Variants in CGNL1 observed in about 807,000 individuals in gnomAD.
The protein encoded by CGNL1 is cingulin like 1.
In CGNL1, 132 loss-of-function variants were observed where a neutral mutation model predicts 141.2. The ratio of observed to expected loss-of-function variants is 0.93; its 90% CI spans 0.81 to 1.08. CGNL1 has a LOEUF of 1.08. CGNL1 is among the 50% of genes least tolerant of loss of function. CGNL1 has a pLI of 0.00. For missense variants in CGNL1, 1,870 were observed against 1,588.6 expected, an observed-to-expected ratio of 1.18 and a Z score of -3.01; for synonymous variants, 690 against 622.1, an observed-to-expected ratio of 1.11 and a Z score of -1.63.
intron 1 of CGNL1, among the ~76,000 whole-genome samples, chr15:57,406,346 A>C (rs576286608): frequency 6.6e-6 from 1 of 152,226 alleles, no homozygotes; most frequent in East Asian, 1.9e-4. Flanking sequence ...GGGAACAGCA[A>C]GGAGGCCACA....
At chr15:57,537,244 C>T (rs1357939283) in intron 14 of CGNL1, among the ~76,000 whole-genome samples, 1 of 152,142 alleles carries the variant, frequency 6.6e-6, no homozygotes, top group East Asian at 1.9e-4. Flanking sequence ...TGGGTGGCTT[C>T]ATGGTCTCTC....
At chr15:57,418,046 G>C (rs10083703) in intron 1 of CGNL1, among the ~76,000 whole-genome samples, 16,237 of 152,156 alleles carry the variant, frequency 0.11, 980 homozygotes, top group Middle Eastern at 0.21. Flanking sequence ...TGTCTGAGAT[G>C]TTGGGGACAC....
At position 57,431,682 on chromosome 15, in the gene CGNL1, G is replaced by A. The variant is rs149233960; in HGVS notation, c.-15-6303G>A. Among the ~76,000 whole-genome samples, 57 of 152,208 alleles carry A rather than the reference G, an allele frequency of 3.7e-4. 1 individual carries two copies. In the East Asian group the frequency reaches 0.01, roughly 27 times the overall value. On this transcript the variant is annotated intron_variant, in intron 1 of 18. Coordinates refer to ENST00000281282, the MANE Select transcript of CGNL1 (RefSeq NM_032866.5). ...TGTGGCCCAGGATGGCTTTGAATGC[G>A]CCCAAAGCAAATTCGTAAACATTCT... is the stretch of plus-strand genomic sequence containing the variant.
chr15:57,446,665 C>CTTT (rs11327140), intron 4 of CGNL1, among the ~76,000 whole-genome samples: 46 of 116,696 alleles, frequency 3.9e-4, no homozygotes, highest in East Asian at 2.4e-3. Flanking sequence ...CTGAACATTA[C>CTTT]TTTTTTTTTT....
chr15:57,391,832 A>T (rs1448190582), intron 1 of CGNL1, among the ~76,000 whole-genome samples: 3 of 151,990 alleles, frequency 2.0e-5, no homozygotes, highest in African/African-American at 7.3e-5. Flanking sequence ...TGCTCCACCC[A>T]TCGTATCCTT....
At chr15:57,408,522 G>A (rs2062748713) in intron 1 of CGNL1, among the ~76,000 whole-genome samples, 1 of 151,996 alleles carries the variant, frequency 6.6e-6, no homozygotes, top group Non-Finnish European at 1.5e-5. Context: ...CACTTTTCCG[G>A]GATAATATAA....
intron 8 of CGNL1, among the ~76,000 whole-genome samples, chr15:57,474,350 C>G (rs552487374): frequency 1.3e-5 from 2 of 152,314 alleles, no homozygotes; most frequent in African/African-American, 4.8e-5. Context: ...CTCTTTGAAG[C>G]TGCATTTTCT....
intron 2 of CGNL1, among the ~76,000 whole-genome samples, chr15:57,439,953 T>C (rs1251001766): frequency 6.6e-6 from 1 of 152,180 alleles, no homozygotes; most frequent in African/African-American, 2.4e-5. Flanking sequence ...TTTGTGTAGG[T>C]ATATTAATTT....
intron 8 of CGNL1, among the ~76,000 whole-genome samples, chr15:57,501,638 A>T (rs1567156528): frequency 6.6e-6 from 1 of 152,026 alleles, no homozygotes; most frequent in Non-Finnish European, 1.5e-5. Context: ...GTGTTGTCTG[A>T]TTTTCCCCCA....
intron 8 of CGNL1, among the ~76,000 whole-genome samples, chr15:57,466,777 T>C (rs2063516100): frequency 6.6e-6 from 1 of 152,236 alleles, no homozygotes; most frequent in Non-Finnish European, 1.5e-5. Context: ...TTACTTCTCA[T>C]GAAAATGAAC....
At chr15:57,412,873 T>C (rs944378257) in intron 1 of CGNL1, among the ~76,000 whole-genome samples, 12 of 152,166 alleles carry the variant, frequency 7.9e-5, no homozygotes, top group Non-Finnish European at 1.8e-4. Context: ...TCTTTTTTTT[T>C]CTTTTTGAGA....
intron 7 of CGNL1, among the ~76,000 whole-genome samples, chr15:57,454,479 C>G (rs1225756482): frequency 2.0e-5 from 3 of 152,186 alleles, no homozygotes; most frequent in Non-Finnish European, 4.4e-5. Flanking sequence ...TCTGTCACTC[C>G]TTTCCTCCTC....
In CGNL1 at chr15:57,516,781, A is replaced by T; in HGVS notation, c.2405A>T (p.Asn802Ile). 1.2e-6 allele frequency: 2 copies of T among 1,614,026 alleles called. No homozygotes were observed. The highest frequency in any genetic ancestry group is 1.7e-6 in the Non-Finnish European group (2 of 1,179,956). The part of the protein sequence containing the change: ...LRESVEEATK[N>I]VEVLASRSNT... ...TCATTTGCTTTGTGTTTTTAACAGA[A>T]TGTCGAGGTCTTGGCGAGCAGGAGC... is the stretch of plus-strand genomic sequence containing the variant. Residue 802 changes from asparagine to isoleucine, a missense_variant and splice_region_variant, in exon 9 of 19, where the codon AAT (asparagine) becomes ATT (isoleucine). Transcript: ENST00000281282.
intron 8 of CGNL1, among the ~76,000 whole-genome samples, chr15:57,508,237 A>T (rs745667656): frequency 7.2e-6 from 1 of 138,852 alleles, no homozygotes; most frequent in Non-Finnish European, 1.5e-5. Flanking sequence ...TCACTGTATA[A>T]CCAACTGAGT....
intron 14 of CGNL1, among the ~76,000 whole-genome samples, chr15:57,539,831 G>C (rs1455017758): frequency 6.6e-6 from 1 of 152,136 alleles, no homozygotes; most frequent in Non-Finnish European, 1.5e-5. Context: ...GGGCTCACCT[G>C]TTCTGTGGCT....
At chr15:57,488,220 A>G (rs1305351528) in intron 8 of CGNL1, among the ~76,000 whole-genome samples, 16 of 152,124 alleles carry the variant, frequency 1.1e-4, no homozygotes, top group African/African-American at 3.6e-4. Flanking sequence ...CTATCTGTTC[A>G]GATTCTCTGC....
At chr15:57,539,947 T>A (rs1184920147) in intron 14 of CGNL1, among the ~76,000 whole-genome samples, 2 of 152,140 alleles carry the variant, frequency 1.3e-5, no homozygotes, top group African/African-American at 4.8e-5. Context: ...CAGGAGTAAA[T>A]GAGATAATAC....
intron 1 of CGNL1, among the ~76,000 whole-genome samples, chr15:57,394,983 A>G (rs1418564857): frequency 3.9e-5 from 6 of 152,284 alleles, no homozygotes; most frequent in African/African-American, 9.6e-5. Flanking sequence ...ATGGTGGCAT[A>G]CGCCTGTAGT....
At chr15:57,543,153 G>T (rs561370998) in intron 14 of CGNL1, among the ~76,000 whole-genome samples, 2 of 152,136 alleles carry the variant, frequency 1.3e-5, no homozygotes, top group Non-Finnish European at 2.9e-5. Flanking sequence ...CCTCCTCCTA[G>T]CTTCTGGTGG....
Sources: gnomAD v4.1 joint callset for allele counts (sites outside exome capture counted in the v4.1 genomes callset) on GRCh38, gnomAD v4.1.1 for gene constraint, MANE v1.5 for transcripts, NCBI Gene and HGNC (gene_info 2026-07-23, HGNC 2026-07-21) for gene names.